DLG2: variants seen among roughly 807,000 people sequenced by gnomAD.
The protein encoded by DLG2 is disks large homolog 2.
Under a neutral mutation model 132.5 loss-of-function variants are expected in DLG2, and 45 were observed. The observed-to-expected ratio is 0.34, with a 90% CI of 0.27 to 0.44. DLG2 has a LOEUF of 0.44. DLG2 is among the 20% of genes least tolerant of loss of function. The probability of loss-of-function intolerance (pLI) is 1.00; values close to 1 mark genes in which losing one functional copy is unlikely to be tolerated. For synonymous variants in DLG2, 424 were observed against 419.6 expected (o/e 1.01, Z -0.13); for missense variants, 1,045 against 1,196.9 (o/e 0.87, Z 1.87).
intron 7 of DLG2, among the ~76,000 whole-genome samples, chr11:84,500,385 A>G (rs2099200384): frequency 6.6e-6 from 1 of 151,630 alleles, no homozygotes; most frequent in African/African-American, 2.4e-5. Flanking sequence ...AATGGCTTTG[A>G]CTAAATTAAG....
chr11:84,170,590 A>G (rs1485346277), intron 8 of DLG2, among the ~76,000 whole-genome samples: 2 of 152,158 alleles, frequency 1.3e-5, no homozygotes, highest in African/African-American at 4.8e-5. Context: ...AGGAGATGGG[A>G]TGAGCTGAGT....
intron 3 of DLG2, among the ~76,000 whole-genome samples, chr11:85,493,766 G>A (rs2093613760): frequency 6.9e-6 from 1 of 144,884 alleles, no homozygotes; most frequent in African/African-American, 2.6e-5. Context: ...CAGAGAAAGA[G>A]AGAGGGAGGG....
rs1483411 is a variant in DLG2, at chr11:83,968,418, T to A, written c.1057-2950A>T. ...TAGATAAGACATGTTCCCTTAAATC[T>A]TTTTTCATTTCAGTGTCTGGCATTT... On this transcript the variant is annotated intron_variant, in intron 12 of 27. Transcript: ENST00000376104. Among the ~76,000 whole-genome samples, 5 of 152,030 alleles carry A rather than the reference T, an allele frequency of 3.3e-5. No homozygotes were observed. The South Asian group carries it at 8.3e-4, about 25-fold the overall frequency.
intron 6 of DLG2, among the ~76,000 whole-genome samples, chr11:84,743,550 T>G (rs2064965385): frequency 6.6e-6 from 1 of 152,084 alleles, no homozygotes; most frequent in South Asian, 2.1e-4. Context: ...TCTAAAGAAT[T>G]TACACACTAG....
rs1347930446 is a variant in DLG2, at chr11:83,814,515, C to T, written c.1722+19099G>A. 3 of 210,264 alleles carry T rather than the reference C, an allele frequency of 1.4e-5. No homozygotes were observed. The East Asian group carries it at 3.4e-4, about 24-fold the overall frequency. 13.0% of individuals were successfully genotyped at this position (210,264 alleles called of 1,614,324 possible). ...TTTCTGTGCTCCTTTACAAATGGGC[C>T]ACATCTTCAAGGGTCAGCTTTACCT... On this transcript the variant is annotated intron_variant, in intron 17 of 27. Coordinates refer to ENST00000376104, the MANE Select transcript of DLG2 (RefSeq NM_001142699.3).
chr11:84,684,290 T>G (rs559631776), intron 6 of DLG2, among the ~76,000 whole-genome samples: 1 of 152,258 alleles, frequency 6.6e-6, no homozygotes, highest in South Asian at 2.1e-4. Context: ...AGTGCTAATT[T>G]TATTCTTGGT....
intron 6 of DLG2, among the ~76,000 whole-genome samples, chr11:85,006,462 T>C (rs552877621): frequency 6.6e-6 from 1 of 152,310 alleles, no homozygotes; most frequent in East Asian, 1.9e-4. Context: ...TGGGAAGGTA[T>C]ATGTGTCCAG....
At chr11:84,292,938 T>C (rs1344047210) in intron 7 of DLG2, among the ~76,000 whole-genome samples, 2 of 151,958 alleles carry the variant, frequency 1.3e-5, no homozygotes, top group African/African-American at 4.8e-5. Context: ...TTGCAAAAAA[T>C]CTCATAATAT....
In DLG2 at chr11:84,634,211, TCA is replaced by T. The variant is rs376104664; in HGVS notation, c.358-99482_358-99481del. On this transcript the variant is annotated intron_variant, in intron 6 of 27. Coordinates refer to ENST00000376104, the MANE Select transcript of DLG2 (RefSeq NM_001142699.3). The stretch of plus-strand genomic sequence containing the variant: ...ATCAGCCCCTTCATCTCCCTGATTC[TCA>T]GTCTTTTCCTCTTACGTGATCTTTG... 2.7e-3 allele frequency among the ~76,000 whole-genome samples: 413 copies of T among 152,308 alleles called. 2 individuals carry two copies. Among genetic ancestry groups the T allele is most frequent in the African/African-American group, 9.1e-3 (380 of 41,558 alleles).
intron 3 of DLG2, among the ~76,000 whole-genome samples, chr11:85,443,372 T>G (rs989719229): frequency 6.6e-6 from 1 of 152,214 alleles, no homozygotes; most frequent in Non-Finnish European, 1.5e-5. Context: ...CTGTGTTAAG[T>G]GGGTAATCTA....
chr11:84,927,455 T>C (rs571780344), intron 6 of DLG2, among the ~76,000 whole-genome samples: 5 of 152,074 alleles, frequency 3.3e-5, no homozygotes, highest in African/African-American at 1.2e-4. Context: ...TCTATAGAGC[T>C]CCCCAAGTGA....
chr11:84,423,880 T>C (rs1347295897), intron 7 of DLG2, among the ~76,000 whole-genome samples: 1 of 152,198 alleles, frequency 6.6e-6, no homozygotes, highest in Non-Finnish European at 1.5e-5. Context: ...TAAGCCATCT[T>C]CTGCTATTTG....
intron 14 of DLG2, among the ~76,000 whole-genome samples, chr11:83,948,399 T>C (rs555346359): frequency 2.6e-5 from 4 of 152,252 alleles, no homozygotes; most frequent in Admixed American, 6.5e-5. Context: ...ATGGGGTCTA[T>C]GTAATGGCCA....
chr11:85,369,239 G>A (rs2084785151), intron 3 of DLG2, among the ~76,000 whole-genome samples: 1 of 151,978 alleles, frequency 6.6e-6, no homozygotes, highest in African/African-American at 2.4e-5. Context: ...TGTGGAGGCT[G>A]GGGTGTATGG....
At chr11:85,367,974 C>A (rs1444117877) in intron 3 of DLG2, among the ~76,000 whole-genome samples, 3 of 152,024 alleles carry the variant, frequency 2.0e-5, no homozygotes, top group Non-Finnish European at 2.9e-5. Flanking sequence ...TCTGTATTTT[C>A]TTTTAGTGTT....
intron 5 of DLG2, among the ~76,000 whole-genome samples, chr11:85,121,303 T>A (rs2074283004): frequency 6.6e-6 from 1 of 151,718 alleles, no homozygotes; most frequent in African/African-American, 2.4e-5. Context: ...TAATTTTCTA[T>A]TGCACACCTT....
At chr11:83,733,763 TTTG>T (rs1191862767) in intron 18 of DLG2, among the ~76,000 whole-genome samples, 3 of 152,240 alleles carry the variant, frequency 2.0e-5, no homozygotes, top group Non-Finnish European at 4.4e-5. Context: ...CATTTGTTTC[TTTG>T]TTGTTGTTGC....
intron 6 of DLG2, among the ~76,000 whole-genome samples, chr11:84,752,367 T>C (rs1020587389): frequency 1.3e-5 from 2 of 152,186 alleles, no homozygotes; most frequent in African/African-American, 2.4e-5. Flanking sequence ...TGTAACTACT[T>C]ACATAAAATA....
intron 22 of DLG2, among the ~76,000 whole-genome samples, chr11:83,482,748 A>T (rs978727455): frequency 1.3e-5 from 2 of 152,162 alleles, no homozygotes; most frequent in Non-Finnish European, 2.9e-5. Context: ...GCTTTTAGAG[A>T]ATGCATGTTC....
Sources: allele counts gnomAD v4.1 joint callset (sites outside exome capture counted in the v4.1 genomes callset), GRCh38; gene constraint gnomAD v4.1.1; transcripts MANE v1.5; gene names NCBI Gene and HGNC (gene_info 2026-07-23, HGNC 2026-07-21).